Variants in HK3 observed in about 807,000 individuals in gnomAD.
HK3 encodes hexokinase-3.
HK3 carries 93 observed loss-of-function variants against 91.0 expected under a neutral mutation model. The observed-to-expected ratio is 1.02, with a 90% CI of 0.86 to 1.21. HK3 has a LOEUF of 1.21. Ranked by LOEUF, HK3 falls within the 50% of genes most tolerant of loss-of-function variation. The pLI is 0.00. For missense variants in HK3, 1,235 were observed against 1,247.4 expected (o/e 0.99, Z 0.15); for synonymous variants, 519 against 516.9 (o/e 1.00, Z -0.06).
chr5:176,882,958 G>A (rs1429321463), intron 15 of HK3, among the ~76,000 whole-genome samples: 1 of 152,186 alleles, frequency 6.6e-6, no homozygotes, highest in African/African-American at 2.4e-5. Context: ...GCTGCCACAT[G>A]CCTCGTGTTG....
Position 176,887,517 on chromosome 5 carries a change from G to A in HK3, c.1534C>T (p.Leu512Phe), listed in dbSNP as rs770309131. Residue 512 changes from leucine (L) to phenylalanine (F), a missense_variant, in exon 11 of 19, where the codon CTC becomes TTC. Leu to Phe is a conservative substitution (Grantham distance 22). Transcript: ENST00000292432. This position sits in a 1 kb window ranked among gnomAD's most constrained non-coding sequence, Gnocchi z 4.9. ...CGAAGGGAGGAGGCCTCCCCTCGGAGCCCCTTGGCCATGGCCTTCCGCATC... is the reference window on the plus strand; with the variant it reads ...CGAAGGGAGGAGGCCTCCCCTCGGAACCCCTTGGCCATGGCCTTCCGCATC... ...AQMRKAMAKGLRGEASSLRML... is the reference protein window; with the variant it reads ...AQMRKAMAKGFRGEASSLRML... The A allele has an allele frequency of 3.1e-6, 5 of 1,613,750 alleles. No individual in the cohort carries two copies. Among genetic ancestry groups the A allele is most frequent in the East Asian group, 4.5e-5 (2 of 44,868 alleles).
Position 176,887,564 on chromosome 5 carries a change from T to A in HK3, c.1487A>T (p.Gln496Leu). The change falls in exon 11 of 19, where the codon CAA becomes CTA. Residue 496 changes from glutamine to leucine, a missense_variant. Physicochemically the swap from Gln to Leu is moderately radical, Grantham distance 113 (BLOSUM62 -2). This residue lies in a region of HK3 where 717 missense variants were observed against 751.6 expected (regional missense o/e 0.95). Coordinates refer to ENST00000292432, the MANE Select transcript of HK3 (RefSeq NM_002115.3). This position sits in a 1 kb window ranked among gnomAD's most constrained non-coding sequence, Gnocchi z 4.9. ...CATCTGTGCCTGAACCGCAGCCAGT[T>A]GATCATGGTTCAACCGGAATGGGGC... ...TLAPFRLNHD[Q>L]LAAVQAQMRK... is the part of the protein sequence containing the mutation. 5 of 1,613,856 alleles carry A rather than the reference T, an allele frequency of 3.1e-6. No homozygotes were observed. Among genetic ancestry groups the A allele is most frequent in the Non-Finnish European group, 4.2e-6 (5 of 1,179,986 alleles).
chr5:176,882,069 C>G lies in HK3; in HGVS notation c.2112G>C (p.Gly704=), dbSNP rs1253709560. The change falls in exon 16 of 19, where the codon GGG becomes GGC. Residue 704 remains glycine (G), a synonymous_variant. Coordinates refer to ENST00000292432, the MANE Select transcript of HK3 (RefSeq NM_002115.3). ...TGTTGATGCACATGCGGCCTGAGTC[C>G]CCAGGCACGCCCGCCACATTCCGGA... ...EELRNVAGVP[G]DSGRMCINME... The G allele has an allele frequency of 6.2e-7, 1 of 1,612,886 alleles. No individual in the cohort carries two copies.
rs1758753918 is a variant in HK3 at position 176,891,023 on chromosome 5, C to T, written c.414+14G>A. 1 of 1,613,804 alleles carries T rather than the reference C, an allele frequency of 6.2e-7. No individual in the cohort carries two copies. Among genetic ancestry groups the T allele is most frequent in the African/African-American group, 1.3e-5 (1 of 74,938 alleles). On this transcript the variant is annotated intron_variant, in intron 4 of 18. Transcript: ENST00000292432. Reference sequence around the variant, plus strand: ...AGGCCCCCAGACCCCAGAGGCTGGGCAGTGAGTGCTTACCTGCTGGCCAGC... The same window carrying T: ...AGGCCCCCAGACCCCAGAGGCTGGGTAGTGAGTGCTTACCTGCTGGCCAGC...
In HK3 at chr5:176,891,383, C is replaced by T. The variant is rs761726544; in HGVS notation, c.259+5G>A. On this transcript the variant is annotated splice_donor_5th_base_variant and intron_variant, in intron 3 of 18. Transcript: ENST00000292432. Reference sequence around the variant, plus strand: ...TGGCCACGCATCTCAATCTATGATACCCACCAGTGCCATGTGGGGTGGACC... The same window carrying T: ...TGGCCACGCATCTCAATCTATGATATCCACCAGTGCCATGTGGGGTGGACC... 1 of 1,611,942 alleles carries T rather than the reference C, an allele frequency of 6.2e-7. No individual in the cohort carries two copies. Among genetic ancestry groups the T allele is most frequent in the South Asian group, 1.1e-5 (1 of 90,798 alleles).
chr5:176,880,967 G>A lies in HK3; in HGVS notation c.*106C>T, dbSNP rs1320988257. 17 of 1,324,796 alleles carry A rather than the reference G, an allele frequency of 1.3e-5. No homozygotes were observed. The highest frequency in any genetic ancestry group is 1.2e-5 in the Non-Finnish European group (12 of 990,974). 82.1% of individuals were successfully genotyped at this position (1,324,796 alleles called of 1,614,324 possible). The stretch of plus-strand genomic sequence containing the variant: ...AATGGCCGCAGAGGGGTCACACATG[G>A]GATGTCCCAGGAGTCCTGGGTGGCT... On this transcript the variant is annotated 3_prime_UTR_variant, in exon 19 of 19. Transcript: ENST00000292432.
chr5:176,888,891 A>T, intron 8 of HK3, 27 bp from the exon 9 acceptor site: 2 of 1,605,526 alleles, frequency 1.2e-6, no homozygotes, highest in Non-Finnish European at 8.5e-7. Flanking sequence ...TGGCTGGAGG[A>T]AGCCTTTTCT....
chr5:176,896,469 T>C (rs1253027026), intron 1 of HK3, among the ~76,000 whole-genome samples: 1 of 152,260 alleles, frequency 6.6e-6, no homozygotes, highest in African/African-American at 2.4e-5. Context: ...CCTGCTATGC[T>C]GGACGTTGTG....
At position 176,887,431 on chromosome 5, in the gene HK3, C is replaced by T; in HGVS notation, c.1600+20G>A. On this transcript the variant is annotated intron_variant, in intron 11 of 18. Transcript: ENST00000292432. The surrounding 1 kb of genome is among the most constrained non-coding windows in gnomAD (Gnocchi z 4.9). ...CCCAGGAGCCCATGTTTCGGTCCCACACTCAGGCCAGGTCCTTACCGCTGC... is the reference window on the plus strand; with the variant it reads ...CCCAGGAGCCCATGTTTCGGTCCCATACTCAGGCCAGGTCCTTACCGCTGC... The T allele has an allele frequency of 2.5e-6, 4 of 1,612,628 alleles. No individual in the cohort carries two copies. Among genetic ancestry groups the T allele is most frequent in the Non-Finnish European group, 3.4e-6 (4 of 1,179,116 alleles).
rs1285886160 is a variant in HK3, at chr5:176,888,568, G to T, written c.1071-3C>A. 6.4e-7 allele frequency: 1 copy of T among 1,574,060 alleles called. No homozygotes were observed. Among genetic ancestry groups the T allele is most frequent in the East Asian group, 2.4e-5 (1 of 42,226 alleles). On this transcript the variant is annotated splice_region_variant and splice_polypyrimidine_tract_variant and intron_variant, in intron 9 of 18. Coordinates refer to ENST00000292432, the MANE Select transcript of HK3 (RefSeq NM_002115.3). ...CACGGGCTGCCCCAGTAGAGGGGCT[G>T]GAGGGGAAAGGGAAGTGGTTTGGGG...
rs1342839600 is a variant in HK3, at chr5:176,887,126, G to T, written c.1738-5C>A. On this transcript the variant is annotated splice_region_variant and splice_polypyrimidine_tract_variant and intron_variant, in intron 12 of 18. Transcript: ENST00000292432. This position sits in a 1 kb window ranked among gnomAD's most constrained non-coding sequence, Gnocchi z 4.9. ...GTCCACGATGTGGTCAAAGAGCTGT[G>T]GGGCAGGACAGGTCAGGCGTAGGCA... 6.2e-7 allele frequency: 1 copy of T among 1,614,198 alleles called. No individual in the cohort carries two copies. Among genetic ancestry groups the T allele is most frequent in the Admixed American group, 1.7e-5 (1 of 60,018 alleles).
chr5:176,897,185 C>G (rs942876797), intron 1 of HK3, among the ~76,000 whole-genome samples: 1 of 152,192 alleles, frequency 6.6e-6, no homozygotes, highest in African/African-American at 2.4e-5. Context: ...CTATGATTCT[C>G]CATTTCCTCT....
chr5:176,882,778 G>A (rs529734395), intron 15 of HK3, among the ~76,000 whole-genome samples: 1 of 152,196 alleles, frequency 6.6e-6, no homozygotes, highest in African/African-American at 2.4e-5. Context: ...GGATGAGGGC[G>A]TCTCCTTCCT....
intron 13 of HK3, among the ~76,000 whole-genome samples, chr5:176,885,476 C>T (rs1338090941): frequency 1.3e-5 from 2 of 152,100 alleles, no homozygotes; most frequent in Non-Finnish European, 2.9e-5. Context: ...GGCTGGAGTG[C>T]AATGGCACAA....
chr5:176,886,588 C>G, intron 13 of HK3, among the ~76,000 whole-genome samples: 2 of 151,990 alleles, frequency 1.3e-5, no homozygotes, highest in East Asian at 3.9e-4. Flanking sequence ...CTCTGCCACC[C>G]TAGTCATGCA....
chr5:176,891,667 CCTGA>C, intron 2 of HK3, 117 bp from the exon 3 acceptor site: 1 of 1,029,582 alleles, frequency 9.7e-7, no homozygotes, highest in Non-Finnish European at 1.4e-6. Flanking sequence ...CTTCATACAC[CCTGA>C]CTCTCTTGCC....
intron 2 of HK3, among the ~76,000 whole-genome samples, chr5:176,895,649 G>A (rs1337173976): frequency 6.6e-6 from 1 of 152,170 alleles, no homozygotes; most frequent in Non-Finnish European, 1.5e-5. Context: ...AGGGAGACAT[G>A]CAGGAGGAAC....
rs1356119192 is a variant in HK3 at position 176,881,931 on chromosome 5, G to T, written c.2237+13C>A. ...GTCACAGCCAGCCACCACTGCCTGG[G>T]CCCAGCCCACACCTCTGCTTGCCGG... On this transcript the variant is annotated intron_variant, in intron 16 of 18. Transcript: ENST00000292432. The T allele has an allele frequency of 1.9e-6, 3 of 1,613,206 alleles. No homozygotes were observed. Among genetic ancestry groups the T allele is most frequent in the Non-Finnish European group, 2.5e-6 (3 of 1,179,572 alleles).
At chr5:176,898,850 A>C (rs1758971659) in intron 1 of HK3, among the ~76,000 whole-genome samples, 2 of 152,170 alleles carry the variant, frequency 1.3e-5, no homozygotes, top group Non-Finnish European at 2.9e-5. Flanking sequence ...ACCAGCTGGC[A>C]GGCTGGGTGT....
Sources: gnomAD v4.1 joint callset for allele counts (sites outside exome capture counted in the v4.1 genomes callset) on GRCh38, gnomAD v4.1.1 for gene constraint, gnomAD v4.1.1 regional missense constraint, Gnocchi (gnomAD v3.1) non-coding constraint, MANE v1.5 for transcripts, NCBI Gene and HGNC (gene_info 2026-07-23, HGNC 2026-07-21) for gene names.